Variants in PUF60 observed in about 807,000 individuals in gnomAD.
PUF60 encodes poly(U)-binding-splicing factor PUF60.
Under a neutral mutation model 61.8 loss-of-function variants are expected in PUF60, and 10 were observed. The ratio of observed to expected loss-of-function variants is 0.16; its 90% confidence interval spans 0.10 to 0.27. PUF60 has a LOEUF of 0.27. Among genes scored for constraint, PUF60 ranks in the 10% least tolerant of loss-of-function variants. The probability of loss-of-function intolerance (pLI) is 1.00; values close to 1 mark genes in which losing one functional copy is unlikely to be tolerated. For synonymous variants in PUF60, 353 were observed against 300.9 expected (o/e 1.17, Z -1.79); for missense variants, 371 against 754.0 (o/e 0.49, Z 5.95).
chr8:143,818,554 A>G lies in PUF60; in HGVS notation c.349-20T>C. 6.4e-7 allele frequency: 1 copy of G among 1,563,178 alleles called. No homozygotes were observed. Among genetic ancestry groups the G allele is most frequent in the Non-Finnish European group, 8.7e-7 (1 of 1,153,130 alleles). On this transcript the variant is annotated intron_variant, in intron 5 of 11. Coordinates refer to ENST00000526683, the MANE Select transcript of PUF60 (RefSeq NM_078480.3). This position sits in a 1 kb window ranked among gnomAD's most constrained non-coding sequence, Gnocchi z 7.9. ...CGCCATCTGCAGCAGGACAGAGGGG[A>G]GAGAACCGCTGGCTCGTCAGGGGCG...
rs532351797 is a variant in PUF60, at chr8:143,822,351, A to G, written c.112-438T>C. 251 of 373,204 alleles carry G rather than the reference A, an allele frequency of 6.7e-4. 1 individual carries two copies. In the Middle Eastern group the frequency reaches 0.014, roughly 21 times the overall value. 23.1% of individuals were successfully genotyped at this position (373,204 alleles called of 1,614,324 possible). A position where few individuals can be genotyped will look rare whatever the true frequency, so the allele number is the denominator to read the frequency against. ...GGACTCCTTGCTCCCAGGCTCCTCC[A>G]GGCTTCCTCACAGTCCCTGCCACAG... is the stretch of plus-strand genomic sequence containing the variant. On this transcript the variant is annotated intron_variant, in intron 2 of 11. Transcript: ENST00000526683.
At chr8:143,826,408 A>G (rs954154302) in intron 1 of PUF60, among the ~76,000 whole-genome samples, 5 of 152,180 alleles carry the variant, frequency 3.3e-5, no homozygotes, top group Non-Finnish European at 5.9e-5. Flanking sequence ...TCTATGAAAA[A>G]AAAGATTTTT....
chr8:143,826,986 C>T (rs1817703517), intron 1 of PUF60: 2 of 220,564 alleles, frequency 9.1e-6, no homozygotes, highest in South Asian at 1.0e-4. Flanking sequence ...CAGGACACTG[C>T]CTTCTATCTG....
intron 1 of PUF60, among the ~76,000 whole-genome samples, chr8:143,825,681 C>T (rs192789623): frequency 1.3e-5 from 2 of 152,318 alleles, no homozygotes; most frequent in Admixed American, 6.5e-5. Context: ...TGGGGGTCTC[C>T]GTGTTGCCCA....
intron 1 of PUF60, among the ~76,000 whole-genome samples, chr8:143,825,742 C>T (rs1363988427): frequency 6.6e-6 from 1 of 152,226 alleles, no homozygotes. Flanking sequence ...GCTGGTACTA[C>T]AGGCGTGGAC....
intron 1 of PUF60, among the ~76,000 whole-genome samples, chr8:143,827,695 G>C (rs1197829455): frequency 6.6e-6 from 1 of 152,208 alleles, no homozygotes; most frequent in Non-Finnish European, 1.5e-5. Flanking sequence ...ATGCAAGCCT[G>C]AAACCTGACG....
intron 2 of PUF60, among the ~76,000 whole-genome samples, chr8:143,823,594 C>G (rs752090740): frequency 9.9e-5 from 15 of 152,250 alleles, no homozygotes; most frequent in African/African-American, 3.6e-4. Flanking sequence ...AGTCCCACCC[C>G]CTGAGTGTGC....
intron 2 of PUF60, chr8:143,822,923 G>C (rs1390128291): frequency 3.7e-6 from 1 of 270,108 alleles, no homozygotes; most frequent in South Asian, 3.7e-5. Flanking sequence ...AAGAGAGAAG[G>C]GTCCCCAGCA....
intron 2 of PUF60, chr8:143,822,706 C>T (rs1275130303): frequency 2.6e-6 from 1 of 382,430 alleles, no homozygotes; most frequent in Non-Finnish European, 5.3e-6. Context: ...TGTTTACGTC[C>T]CTCCTGTCAA....
At chr8:143,816,867 C>A (rs761465415) in intron 11 of PUF60, 43 bp downstream of exon 11, 2 of 1,586,342 alleles carry the variant, frequency 1.3e-6, no homozygotes, top group South Asian at 2.3e-5. Context: ...GCGGCCCCGC[C>A]CCCCTACCCT....
chr8:143,817,002 G>C lies in PUF60; in HGVS notation c.1288C>G (p.Arg430Gly), dbSNP rs759998258. ...TCCTGCTCGCTCAGCATCTCTGGCC[G>C]CTCTGACTCGGGAAACAGCTCCTCT... ...EEEELFPESE[R>G]PEMLSEQEHM... is the part of the protein sequence containing the mutation. The change falls in exon 11 of 12, where the codon CGG becomes GGG. Residue 430 changes from arginine (R) to glycine (G), a missense_variant. This residue lies in a region of PUF60 where 68 missense variants were observed against 69.4 expected (regional missense o/e 0.98). Transcript: ENST00000526683. This position sits in a 1 kb window ranked among gnomAD's most constrained non-coding sequence, Gnocchi z 7.4. 6.2e-7 allele frequency: 1 copy of C among 1,606,944 alleles called. No homozygotes were observed. Among genetic ancestry groups the C allele is most frequent in the South Asian group, 1.1e-5 (1 of 89,988 alleles).
chr8:143,817,875 G>A lies in PUF60; in HGVS notation c.804C>T (p.Gly268=). ...ACCCCAGCTCACCAATGAAGCCGTA[G>A]CCCTTGTGCTTGCCAGTTGTGGGGT... ...ARDPTTGKHK[G]YGFIEYEKAQ... Residue 268 remains glycine (G), a synonymous_variant, in exon 8 of 12, where the codon GGC becomes GGT. Transcript: ENST00000526683. The surrounding 1 kb of genome is among the most constrained non-coding windows in gnomAD (Gnocchi z 7.4). 1.2e-6 allele frequency: 2 copies of A among 1,612,188 alleles called. No individual in the cohort carries two copies. The highest frequency in any genetic ancestry group is 1.7e-6 in the Non-Finnish European group (2 of 1,179,412).
rs748433680 is a variant in PUF60, at chr8:143,818,540, G to C, written c.349-6C>G. ...CGCTGCCGCTGAGCCGCCATCTGCAGCAGGACAGAGGGGAGAGAACCGCTG... is the reference window on the plus strand; with the variant it reads ...CGCTGCCGCTGAGCCGCCATCTGCACCAGGACAGAGGGGAGAGAACCGCTG... On this transcript the variant is annotated splice_polypyrimidine_tract_variant and splice_region_variant and intron_variant, in intron 5 of 11. Transcript: ENST00000526683. The surrounding 1 kb of genome is among the most constrained non-coding windows in gnomAD (Gnocchi z 7.9). 2 of 1,582,382 alleles carry C rather than the reference G, an allele frequency of 1.3e-6. No individual in the cohort carries two copies. Among genetic ancestry groups the C allele is most frequent in the African/African-American group, 2.7e-5 (2 of 74,320 alleles).
At chr8:143,820,065 C>A (rs777131286) in intron 5 of PUF60, among the ~76,000 whole-genome samples, 1 of 152,218 alleles carries the variant, frequency 6.6e-6, no homozygotes, top group African/African-American at 2.4e-5. Context: ...GGGAGGGACA[C>A]CTCCTTCCCA....
At chr8:143,827,346 C>G in intron 1 of PUF60, 1 of 456,082 alleles carries the variant, frequency 2.2e-6, no homozygotes, top group Non-Finnish European at 4.4e-6. Context: ...GAGAACGGAG[C>G]CATGCGTCAA....
chr8:143,822,526 T>C (rs1424191693), intron 2 of PUF60: 1 of 456,492 alleles, frequency 2.2e-6, no homozygotes, highest in East Asian at 6.9e-5. Flanking sequence ...ACACAAGCCC[T>C]GAAGAGGGCT....
At position 143,825,897 on chromosome 8, in the gene PUF60, A is replaced by G. The variant is rs79637372; in HGVS notation, c.25-1498T>C. ...CAAATCACTGCACTAACCAACAAGT[A>G]AGCCACAACAGTGTTGACAGTGGGA... is the stretch of plus-strand genomic sequence containing the variant. On this transcript the variant is annotated intron_variant, in intron 1 of 11. Transcript: ENST00000526683. Among the ~76,000 whole-genome samples the G allele has an allele frequency of 6.6e-3, 1,012 of 152,362 alleles. 13 individuals are homozygous for G. The highest frequency in any genetic ancestry group is 0.023 in the African/African-American group (937 of 41,584).
rs1230044143 is a variant in PUF60, at chr8:143,818,717, AGAAG to A, written c.349-187_349-184del. 1.9e-5 allele frequency: 13 copies of A among 669,832 alleles called. No individual in the cohort carries two copies. The highest frequency in any genetic ancestry group is 6.0e-5 in the Admixed American group (2 of 33,212). The allele number at this position is 669,832 out of a possible 1,614,324, so 41.5% of individuals were successfully genotyped here. A position where few individuals can be genotyped will look rare whatever the true frequency, so the allele number is the denominator to read the frequency against. On this transcript the variant is annotated intron_variant, in intron 5 of 11. Transcript: ENST00000526683. This position sits in a 1 kb window ranked among gnomAD's most constrained non-coding sequence, Gnocchi z 7.9. ...GGGGTCGCAGGACCCCGCCACCCAA[AGAAG>A]GAAGGCCAGGCCCAGCGGCAGGACA... is the stretch of plus-strand genomic sequence containing the variant.
At chr8:143,821,753 C>G in intron 3 of PUF60, 65 bp downstream of exon 3, 1 of 1,550,872 alleles carries the variant, frequency 6.4e-7, no homozygotes, top group South Asian at 1.2e-5. Flanking sequence ...CCCCGCACCC[C>G]GCCCCTGCCC....
Sources: allele counts gnomAD v4.1 joint callset (sites outside exome capture counted in the v4.1 genomes callset), GRCh38; gene constraint gnomAD v4.1.1; regional missense constraint gnomAD v4.1.1; non-coding constraint Gnocchi (gnomAD v3.1); transcripts MANE v1.5; gene names NCBI Gene and HGNC (gene_info 2026-07-23, HGNC 2026-07-21).